Variants in ADGRL3 observed in about 807,000 individuals in gnomAD.
ADGRL3 encodes the protein calcium-independent alpha-latrotoxin receptor 3.
A neutral mutation model predicts 153.5 loss-of-function variants in ADGRL3; 62 were observed. The ratio of observed to expected loss-of-function variants is 0.40; its 90% CI spans 0.33 to 0.50. The LOEUF is 0.50. Among genes scored for constraint, ADGRL3 ranks in the 20% least tolerant of loss-of-function variants. The pLI is 0.47. For synonymous variants in ADGRL3, 710 were observed against 672.5 expected, an observed-to-expected ratio of 1.06 and a Z score of -0.86; for missense variants, 1,641 against 1,859.4, an observed-to-expected ratio of 0.88 and a Z score of 2.16.
At chr4:61,503,781 G>A (rs1048533782) in intron 3 of ADGRL3, among the ~76,000 whole-genome samples, 1 of 151,718 alleles carries the variant, frequency 6.6e-6, no homozygotes, top group East Asian at 1.9e-4. Context: ...TGTTTATGGG[G>A]GTACTTATAC....
chr4:61,327,104 T>C (rs2095480419), intron 1 of ADGRL3, among the ~76,000 whole-genome samples: 1 of 152,034 alleles, frequency 6.6e-6, no homozygotes, highest in South Asian at 2.1e-4. Context: ...GCAGAGATAC[T>C]TTGCTTCACT....
intron 25 of ADGRL3, chr4:62,063,591 G>A (rs1221615998): frequency 1.4e-6 from 1 of 698,828 alleles, no homozygotes; most frequent in Non-Finnish European, 2.6e-6. Context: ...TGGGGAACCG[G>A]CGGTCTGTAA....
intron 1 of ADGRL3, among the ~76,000 whole-genome samples, chr4:61,218,315 T>G (rs895641449): frequency 1.2e-4 from 10 of 80,868 alleles, no homozygotes; most frequent in South Asian, 3.6e-4. Flanking sequence ...ATTAAGTGCT[T>G]CTTTTTTTTT....
At chr4:61,599,190 T>A (rs565911112) in intron 5 of ADGRL3, among the ~76,000 whole-genome samples, 1 of 152,344 alleles carries the variant, frequency 6.6e-6, no homozygotes, top group Non-Finnish European at 1.5e-5. Flanking sequence ...GGCCTAATGC[T>A]AATAGACTGA....
chr4:61,360,419 A>G (rs1184990048), intron 1 of ADGRL3, among the ~76,000 whole-genome samples: 1 of 152,196 alleles, frequency 6.6e-6, no homozygotes, highest in Non-Finnish European at 1.5e-5. Flanking sequence ...TGTATGTCAG[A>G]CAGCACTGAC....
intron 3 of ADGRL3, among the ~76,000 whole-genome samples, chr4:61,500,123 A>G (rs1244311187): frequency 1.3e-5 from 2 of 152,252 alleles, no homozygotes; most frequent in African/African-American, 2.4e-5. Flanking sequence ...AATAGGACAC[A>G]TAAAAGACTA....
At chr4:61,417,250 T>C (rs1029061957) in intron 2 of ADGRL3, among the ~76,000 whole-genome samples, 5 of 151,964 alleles carry the variant, frequency 3.3e-5, no homozygotes, top group African/African-American at 9.7e-5. Flanking sequence ...TCCCAGCACT[T>C]TGGGAGGCGG....
intron 9 of ADGRL3, among the ~76,000 whole-genome samples, chr4:61,853,040 CAG>C (rs1433813017): frequency 6.6e-6 from 1 of 151,680 alleles, no homozygotes; most frequent in African/African-American, 2.4e-5. Context: ...TTTTTTGAGA[CAG>C]AGTCTCGCTC....
intron 2 of ADGRL3, among the ~76,000 whole-genome samples, chr4:61,470,577 C>T (rs1439542864): frequency 5.9e-5 from 9 of 151,714 alleles, no homozygotes; most frequent in African/African-American, 1.2e-4. Context: ...ATTATGACTT[C>T]GAATATAAAT....
chr4:61,610,089 G>T (rs2099047136), intron 5 of ADGRL3, among the ~76,000 whole-genome samples: 1 of 151,144 alleles, frequency 6.6e-6, no homozygotes, highest in African/African-American at 2.4e-5. Context: ...CTAATGAAAA[G>T]AATTAATTAT....
intron 1 of ADGRL3, among the ~76,000 whole-genome samples, chr4:61,223,432 CTT>C (rs1346057176): frequency 1.3e-5 from 2 of 152,162 alleles, no homozygotes; most frequent in Non-Finnish European, 2.9e-5. Context: ...TCATTGGCCT[CTT>C]GTTTCAGTGA....
chr4:61,601,475 T>C (rs1422325195), intron 5 of ADGRL3, among the ~76,000 whole-genome samples: 3 of 152,224 alleles, frequency 2.0e-5, no homozygotes, highest in Admixed American at 2.0e-4. Flanking sequence ...TTCAAACTAT[T>C]AATTCCCATG....
chr4:61,331,082 A>G (rs1008128929), intron 1 of ADGRL3, among the ~76,000 whole-genome samples: 9 of 152,180 alleles, frequency 5.9e-5, no homozygotes, highest in Non-Finnish European at 1.0e-4. Context: ...GGGAGGGATC[A>G]TGTAGACTGC....
intron 9 of ADGRL3, among the ~76,000 whole-genome samples, chr4:61,817,151 C>A (rs890251386): frequency 2.7e-5 from 2 of 74,504 alleles, no homozygotes; most frequent in Non-Finnish European, 5.1e-5. Context: ...GTCTGCAGAC[C>A]CCCCCCCCCC....
chr4:61,291,611 C>CATATATATATAT lies in ADGRL3; in HGVS notation c.-240+89850_-240+89861dup, dbSNP rs1352050467. On this transcript the variant is annotated intron_variant, in intron 1 of 26. Transcript: ENST00000683033. ...ATATATATATATATATATACACACA[C>CATATATATATAT]ATATATATATATATAAAATATTTAT... is the stretch of plus-strand genomic sequence containing the variant. Among the ~76,000 whole-genome samples the CATATATATATAT allele has an allele frequency of 1.5e-3, 14 of 9,646 alleles. No homozygotes were observed. In the East Asian group the frequency reaches 0.02, roughly 14 times the overall value. The allele number at this position is 9,646 out of a possible 152,430, so 6.3% of individuals were successfully genotyped here.
intron 1 of ADGRL3, among the ~76,000 whole-genome samples, chr4:61,269,768 C>G (rs1355530277): frequency 6.6e-6 from 1 of 151,682 alleles, no homozygotes; most frequent in Non-Finnish European, 1.5e-5. Context: ...AAATCTTAAC[C>G]AGACTATCAC....
intron 1 of ADGRL3, among the ~76,000 whole-genome samples, chr4:61,338,893 A>T (rs2095744650): frequency 6.6e-6 from 1 of 152,206 alleles, no homozygotes; most frequent in South Asian, 2.1e-4. Flanking sequence ...CAGTATTATG[A>T]TAGTCTAATG....
At position 62,031,578 on chromosome 4, in the gene ADGRL3, A is replaced by G. The variant is rs1361360622; in HGVS notation, c.3559A>G (p.Ile1187Val). 4 of 1,609,414 alleles carry G rather than the reference A, an allele frequency of 2.5e-6. No homozygotes were observed. The highest frequency in any genetic ancestry group is 8.5e-7 in the Non-Finnish European group (1 of 1,176,764). ...TIFNSLQGMF[I>V]FIFHCVLQKK... ...TTTCAATTCTCTACAGGGAATGTTT[A>G]TATTTATTTTCCATTGTGTCCTACA... Residue 1187 changes from isoleucine (I) to valine (V), a missense_variant, in exon 23 of 27, where the codon ATA becomes GTA. By Grantham distance (29) the Ile-to-Val change is conservative. This residue lies in a region of ADGRL3 where 517 missense variants were observed against 555.0 expected (regional missense o/e 0.93). Coordinates refer to ENST00000683033, the MANE Select transcript of ADGRL3 (RefSeq NM_001387552.1).
At chr4:61,631,886 C>G (rs1346498495) in intron 5 of ADGRL3, among the ~76,000 whole-genome samples, 1 of 151,914 alleles carries the variant, frequency 6.6e-6, no homozygotes, top group African/African-American at 2.4e-5. Context: ...CTCAGCCTTC[C>G]AAAGTGCTGG....
Sources: allele counts gnomAD v4.1 joint callset (sites outside exome capture counted in the v4.1 genomes callset), GRCh38; gene constraint gnomAD v4.1.1; regional missense constraint gnomAD v4.1.1; transcripts MANE v1.5; gene names NCBI Gene and HGNC (gene_info 2026-07-23, HGNC 2026-07-21).